The following SLITRK1 variants were observed in gnomAD, a reference collection of about 807,000 sequenced individuals.
The protein encoded by SLITRK1 is SLIT and NTRK like family member 1, also known as SLIT and NTRK-like protein 1.
SLITRK1 carries 10 observed loss-of-function variants against 42.4 expected under a neutral mutation model. The ratio of observed to expected loss-of-function variants is 0.24; its 90% CI spans 0.15 to 0.40. The LOEUF (loss-of-function observed/expected upper bound fraction) is 0.40. Ranked by LOEUF, SLITRK1 falls within the 10% of genes least tolerant of loss-of-function variation. The pLI is 1.00. For missense variants in SLITRK1, 778 were observed against 848.8 expected (o/e 0.92, Z 1.04); for synonymous variants, 389 against 365.7 (o/e 1.06, Z -0.73).
chr13:83,879,113 G>C lies in SLITRK1; in HGVS notation c.*304C>G, dbSNP rs372799525. ...CAACCCCACAGGCCCCGGGGCCGAG[G>C]GCGAGGGCACTGTCAGTTCTTCCAG... On this transcript the variant is annotated 3_prime_UTR_variant, in exon 2 of 2. Transcript: ENST00000674365. 2 of 431,566 alleles carry C rather than the reference G, an allele frequency of 4.6e-6. 1 individual carries two copies. The highest frequency in any genetic ancestry group is 4.0e-5 in the African/African-American group (2 of 50,008). The allele number at this position is 431,566 out of a possible 1,614,324, so 26.7% of individuals were successfully genotyped here. A position where few individuals can be genotyped will look rare whatever the true frequency, so the allele number is the denominator to read the frequency against.
In SLITRK1 at chr13:83,881,531, C is replaced by T. The variant is rs749286940; in HGVS notation, c.-24G>A. 4 of 1,613,692 alleles carry T rather than the reference C, an allele frequency of 2.5e-6. No homozygotes were observed. Among genetic ancestry groups the T allele is most frequent in the African/African-American group, 1.3e-5 (1 of 74,932 alleles). Reference sequence around the variant, plus strand: ...ATTTTTAAAGCGAGCAATTCATCCCCGATCTCATCACAAAGTAACAGCGAC... The same window carrying T: ...ATTTTTAAAGCGAGCAATTCATCCCTGATCTCATCACAAAGTAACAGCGAC... On this transcript the variant is annotated 5_prime_UTR_variant, in exon 2 of 2. Transcript: ENST00000674365.
chr13:83,881,644 T>TG, intron 1 of SLITRK1, 84 bp from the exon 2 acceptor site: 1 of 328,804 alleles, frequency 3.0e-6, no homozygotes, highest in Non-Finnish European at 6.1e-6. Flanking sequence ...TTTGGGGGGG[T>TG]GGGGGTGGAT....
Position 83,880,040 on chromosome 13 carries a change from C to T in SLITRK1, c.1468G>A (p.Val490Met). ...TTAGAGAGCGAGACCCCAGCGAACA[C>T]GTCCACAGGCAGGGACCTCAGCAGG... is the stretch of plus-strand genomic sequence containing the variant. Reference protein sequence around the residue: ...NNLLRSLPVDVFAGVSLSKLS... With the variant: ...NNLLRSLPVDMFAGVSLSKLS... The change falls in exon 2 of 2, where the codon GTG (valine) becomes ATG (methionine). Residue 490 changes from valine (V) to methionine (M), a missense_variant. Around this residue, in one of 4 missense-constraint regions of SLITRK1, gnomAD observed 395 missense variants for 360.4 expected, o/e 1.10. Transcript: ENST00000674365. 6.2e-7 allele frequency: 1 copy of T among 1,614,014 alleles called. No individual in the cohort carries two copies. The highest frequency in any genetic ancestry group is 8.5e-7 in the Non-Finnish European group (1 of 1,180,016).
chr13:83,880,697 G>T lies in SLITRK1; in HGVS notation c.811C>A (p.Leu271Ile), dbSNP rs777679963. The change falls in exon 2 of 2, where the codon CTC becomes ATC. Residue 271 changes from leucine (L) to isoleucine (I), a missense_variant. Around this residue, in one of 4 missense-constraint regions of SLITRK1, gnomAD observed 395 missense variants for 360.4 expected, o/e 1.10. Transcript: ENST00000674365. ...TCTTCTTGGGCAGGGGGCGCCGGGA[G>T]ACTAGAATCCACTCGGTTTTTCAAA... ...CPLKNRVDSSLPAPPAQEETF... is the reference protein window; with the variant it reads ...CPLKNRVDSSIPAPPAQEETF... The T allele has an allele frequency of 6.2e-7, 1 of 1,614,116 alleles. No individual in the cohort carries two copies. The highest frequency in any genetic ancestry group is 8.5e-7 in the Non-Finnish European group (1 of 1,180,010).
Position 83,879,063 on chromosome 13 carries a change from T to C in SLITRK1, c.*354A>G, listed in dbSNP as rs1237597640. 5 of 349,318 alleles carry C rather than the reference T, an allele frequency of 1.4e-5. No individual in the cohort carries two copies. Among genetic ancestry groups the C allele is most frequent in the African/African-American group, 1.1e-4 (5 of 47,380 alleles). The allele number at this position is 349,318 out of a possible 1,614,324, so 21.6% of individuals were successfully genotyped here. The stretch of plus-strand genomic sequence containing the variant: ...CTCTCTATATAGATGTGGATATATG[T>C]ATATATGTATAGAACCGCGGCATCC... On this transcript the variant is annotated 3_prime_UTR_variant, in exon 2 of 2. Transcript: ENST00000674365.
chr13:83,880,259 T>C lies in SLITRK1; in HGVS notation c.1249A>G (p.Asn417Asp). The change falls in exon 2 of 2, where the codon AAC becomes GAC. Residue 417 changes from asparagine (N) to aspartate (D), a missense_variant. Asn to Asp is a conservative substitution (Grantham distance 23, BLOSUM62 1). Around this residue, in one of 4 missense-constraint regions of SLITRK1, gnomAD observed 395 missense variants for 360.4 expected, o/e 1.10. Transcript: ENST00000674365. ...GNNNIATVEN[N>D]TFKNLLDLRW... is the part of the protein sequence containing the mutation. The stretch of plus-strand genomic sequence containing the variant: ...AGGTCCAAAAGGTTCTTGAAAGTGT[T>C]GTTCTCTACAGTAGCGATGTTATTG... The C allele has an allele frequency of 6.2e-7, 1 of 1,614,062 alleles. No individual in the cohort carries two copies. The highest frequency in any genetic ancestry group is 2.2e-5 in the East Asian group (1 of 44,838).
rs769715959 is a variant in SLITRK1, at chr13:83,881,399, C to A, written c.109G>T (p.Asp37Tyr). ...TTTTTTTCACAGTCTACGTGTAGGT[C>A]CCCTTCTATCTCATTGCAGGAACAG... ...KICSCNEIEG[D>Y]LHVDCEKKGF... The change falls in exon 2 of 2, where the codon GAC (aspartate) becomes TAC (tyrosine). Residue 37 changes from aspartate (D) to tyrosine (Y), a missense_variant. Physicochemically the swap from Asp to Tyr is radical, Grantham distance 160. Around this residue, in one of 4 missense-constraint regions of SLITRK1, gnomAD observed 204 missense variants for 295.3 expected, o/e 0.69. Transcript: ENST00000674365. The A allele has an allele frequency of 4.3e-6, 7 of 1,613,818 alleles. No homozygotes were observed. Among genetic ancestry groups the A allele is most frequent in the Non-Finnish European group, 5.1e-6 (6 of 1,180,002 alleles).
Position 83,881,340 on chromosome 13 carries a change from C to G in SLITRK1, c.168G>C (p.Pro56=). ...GFTSLQRFTA[P]TSQFYHLFLH... is the part of the protein sequence containing the mutation. ...GAAATAAATGGTAAAACTGGGAAGT[C>G]GGGGCAGTGAAACGCTGCAGACTTG... is the stretch of plus-strand genomic sequence containing the variant. The change falls in exon 2 of 2, where the codon CCG becomes CCC. Residue 56 remains proline, a synonymous_variant. Transcript: ENST00000674365. The G allele has an allele frequency of 6.2e-7, 1 of 1,614,072 alleles. No homozygotes were observed. The highest frequency in any genetic ancestry group is 1.1e-5 in the South Asian group (1 of 91,058).
chr13:83,879,136 C>G lies in SLITRK1; in HGVS notation c.*281G>C. 2.1e-6 allele frequency: 1 copy of G among 467,334 alleles called. No homozygotes were observed. The highest frequency in any genetic ancestry group is 3.9e-6 in the Non-Finnish European group (1 of 253,552). 28.9% of individuals were successfully genotyped at this position (467,334 alleles called of 1,614,324 possible). ...AGGGCGAGGGCACTGTCAGTTCTTCCAGCAGGGTCGTGCTGGGCTTTCTGT... is the reference window on the plus strand; with the variant it reads ...AGGGCGAGGGCACTGTCAGTTCTTCGAGCAGGGTCGTGCTGGGCTTTCTGT... On this transcript the variant is annotated 3_prime_UTR_variant, in exon 2 of 2. Coordinates refer to ENST00000674365, the MANE Select transcript of SLITRK1 (RefSeq NM_001281503.2).
Position 83,880,735 on chromosome 13 carries a change from T to G in SLITRK1, c.773A>C (p.Gln258Pro). ...QGKDLNETTE[Q>P]DLCPLKNRVD... is the part of the protein sequence containing the mutation. ...TCGGTTTTTCAAAGGACACAAGTCC[T>G]GTTCGGTGGTTTCATTGAGGTCTTT... Residue 258 changes from glutamine (Q) to proline (P), a missense_variant, in exon 2 of 2, where the codon CAG (glutamine) becomes CCG (proline). Physicochemically the swap from Gln to Pro is moderately conservative, Grantham distance 76. Transcript: ENST00000674365. The G allele has an allele frequency of 5.0e-6, 8 of 1,614,146 alleles. No homozygotes were observed. The highest frequency in any genetic ancestry group is 6.8e-6 in the Non-Finnish European group (8 of 1,180,016).
In SLITRK1 at chr13:83,879,963, C is replaced by T. The variant is rs1467243892; in HGVS notation, c.1545G>A (p.Leu515=). 2 of 1,614,040 alleles carry T rather than the reference C, an allele frequency of 1.2e-6. No homozygotes were observed. Among genetic ancestry groups the T allele is most frequent in the Non-Finnish European group, 1.7e-6 (2 of 1,180,016 alleles). The change falls in exon 2 of 2, where the codon CTG becomes CTA. Residue 515 remains leucine (L), a synonymous_variant. Coordinates refer to ENST00000674365, the MANE Select transcript of SLITRK1 (RefSeq NM_001281503.2). ...YFMYLPVAGV[L]DQLTSIIQID... ...TCTGGATGATGGAGGTTAACTGGTC[C>T]AGCACCCCTGCCACCGGGAGGTACA... is the stretch of plus-strand genomic sequence containing the variant.
Position 83,879,346 on chromosome 13 carries a change from G to GC in SLITRK1, c.*70dup. Reference sequence around the variant, plus strand: ...GGGGATTTGGGTACACGCCCCTCCAGCCCCCGGGGTGCCTGCGGTGGGGAA... The same window carrying GC: ...GGGGATTTGGGTACACGCCCCTCCAGCCCCCCGGGGTGCCTGCGGTGGGGAA... On this transcript the variant is annotated 3_prime_UTR_variant, in exon 2 of 2. Transcript: ENST00000674365. The GC allele has an allele frequency of 6.3e-7, 1 of 1,588,130 alleles. No individual in the cohort carries two copies.
rs771915377 is a variant in SLITRK1 at position 83,880,497 on chromosome 13, G to A, written c.1011C>T (p.Asn337=). The A allele has an allele frequency of 6.8e-6, 11 of 1,613,996 alleles. No individual in the cohort carries two copies. Among genetic ancestry groups the A allele is most frequent in the Non-Finnish European group, 9.3e-6 (11 of 1,180,032 alleles). The part of the protein sequence containing the change: ...TGSSRNKPLA[N]SLPCPGGCSC... ...TGCAGCCCCCAGGGCAGGGTAAACT[G>A]TTAGCTAAGGGTTTGTTCCTGGAGC... The change falls in exon 2 of 2, where the codon AAC becomes AAT. Residue 337 remains asparagine, a synonymous_variant. Transcript: ENST00000674365.
In SLITRK1 at chr13:83,879,928, T is replaced by C. The variant is rs1884774325; in HGVS notation, c.1580A>G (p.His527Arg). 1 of 1,613,958 alleles carries C rather than the reference T, an allele frequency of 6.2e-7. No homozygotes were observed. Among genetic ancestry groups the C allele is most frequent in the Admixed American group, 1.7e-5 (1 of 59,994 alleles). The change falls in exon 2 of 2, where the codon CAC becomes CGC. Residue 527 changes from histidine to arginine, a missense_variant. Coordinates refer to ENST00000674365, the MANE Select transcript of SLITRK1 (RefSeq NM_001281503.2). ...QLTSIIQIDL[H>R]GNPWECSCTI... ...GCAGGAGCACTCCCAGGGGTTTCCG[T>C]GGAGGTCTATCTGGATGATGGAGGT... is the stretch of plus-strand genomic sequence containing the variant.
Position 83,880,664 on chromosome 13 carries a change from C to T in SLITRK1, c.844G>A (p.Ala282Thr). 1 of 1,614,096 alleles carries T rather than the reference C, an allele frequency of 6.2e-7. No individual in the cohort carries two copies. Among genetic ancestry groups the T allele is most frequent in the Non-Finnish European group, 8.5e-7 (1 of 1,180,014 alleles). Residue 282 changes from alanine (A) to threonine (T), a missense_variant, in exon 2 of 2, where the codon GCT (alanine) becomes ACT (threonine). Physicochemically the swap from Ala to Thr is moderately conservative, Grantham distance 58. Around this residue, in one of 4 missense-constraint regions of SLITRK1, gnomAD observed 395 missense variants for 360.4 expected, o/e 1.10. Coordinates refer to ENST00000674365, the MANE Select transcript of SLITRK1 (RefSeq NM_001281503.2). ...PAPPAQEETF[A>T]PGPLPTPFKT... Reference sequence around the variant, plus strand: ...AAAGGAGTTGGCAGGGGTCCAGGAGCAAAGGTCTCTTCTTGGGCAGGGGGC... The same window carrying T: ...AAAGGAGTTGGCAGGGGTCCAGGAGTAAAGGTCTCTTCTTGGGCAGGGGGC...
At position 83,880,319 on chromosome 13, in the gene SLITRK1, C is replaced by A; in HGVS notation, c.1189G>T (p.Asp397Tyr). The change falls in exon 2 of 2, where the codon GAT (aspartate) becomes TAT (tyrosine). Residue 397 changes from aspartate to tyrosine, a missense_variant. Coordinates refer to ENST00000674365, the MANE Select transcript of SLITRK1 (RefSeq NM_001281503.2). ...IHSIRKSHFV[D>Y]YKNLILLDLG... ...TCCAACAGAATGAGGTTCTTGTAATCCACAAAGTGCGATTTTCGGATGCTG... is the reference window on the plus strand; with the variant it reads ...TCCAACAGAATGAGGTTCTTGTAATACACAAAGTGCGATTTTCGGATGCTG... 6.2e-7 allele frequency: 1 copy of A among 1,613,928 alleles called. No homozygotes were observed. The highest frequency in any genetic ancestry group is 8.5e-7 in the Non-Finnish European group (1 of 1,180,006).
chr13:83,881,346 A>T lies in SLITRK1; in HGVS notation c.162T>A (p.Thr54=), dbSNP rs752646264. Residue 54 remains threonine (T), a synonymous_variant, in exon 2 of 2, where the codon ACT becomes ACA. Coordinates refer to ENST00000674365, the MANE Select transcript of SLITRK1 (RefSeq NM_001281503.2). ...KKGFTSLQRF[T]APTSQFYHLF... ...AATGGTAAAACTGGGAAGTCGGGGC[A>T]GTGAAACGCTGCAGACTTGTGAAGC... is the stretch of plus-strand genomic sequence containing the variant. 6.2e-7 allele frequency: 1 copy of T among 1,614,208 alleles called. No homozygotes were observed. Among genetic ancestry groups the T allele is most frequent in the South Asian group, 1.1e-5 (1 of 91,086 alleles).
chr13:83,877,704 A>C lies in SLITRK1; in HGVS notation c.*1713T>G. The C allele has an allele frequency of 1.3e-5, 2 of 152,040 alleles. No individual in the cohort carries two copies. Among genetic ancestry groups the C allele is most frequent in the Non-Finnish European group, 2.9e-5 (2 of 67,942 alleles). The allele number at this position is 152,040 out of a possible 1,614,324, so 9.4% of individuals were successfully genotyped here. On this transcript the variant is annotated 3_prime_UTR_variant, in exon 2 of 2. Transcript: ENST00000674365. ...GCTGGGGCGGGGAGGGTGGGTGGGCACTAATTAGTTTTACCGTTTTCAGCA... is the reference window on the plus strand; with the variant it reads ...GCTGGGGCGGGGAGGGTGGGTGGGCCCTAATTAGTTTTACCGTTTTCAGCA...
Position 83,880,684 on chromosome 13 carries a change from G to A in SLITRK1, c.824C>T (p.Pro275Leu). The A allele has an allele frequency of 6.2e-7, 1 of 1,614,132 alleles. No homozygotes were observed. Among genetic ancestry groups the A allele is most frequent in the Non-Finnish European group, 8.5e-7 (1 of 1,180,030 alleles). ...AGGAGCAAAGGTCTCTTCTTGGGCAGGGGGCGCCGGGAGACTAGAATCCAC... is the reference window on the plus strand; with the variant it reads ...AGGAGCAAAGGTCTCTTCTTGGGCAAGGGGCGCCGGGAGACTAGAATCCAC... Reference protein sequence around the residue: ...NRVDSSLPAPPAQEETFAPGP... With the variant: ...NRVDSSLPAPLAQEETFAPGP... The change falls in exon 2 of 2, where the codon CCT (proline) becomes CTT (leucine). Residue 275 changes from proline (P) to leucine (L), a missense_variant. Coordinates refer to ENST00000674365, the MANE Select transcript of SLITRK1 (RefSeq NM_001281503.2).
Sources: gnomAD v4.1 joint callset for allele counts on GRCh38, gnomAD v4.1.1 for gene constraint, gnomAD v4.1.1 regional missense constraint, MANE v1.5 for transcripts, NCBI Gene and HGNC (gene_info 2026-07-23, HGNC 2026-07-21) for gene names.